The following PAK5 variants were observed in gnomAD, a reference collection of about 807,000 sequenced individuals.
PAK5 encodes serine/threonine-protein kinase PAK 5.
PAK5 carries 16 observed loss-of-function variants against 65.9 expected under a neutral mutation model. The observed-to-expected ratio is 0.24, with a 90% CI of 0.16 to 0.37. The LOEUF (loss-of-function observed/expected upper bound fraction) is 0.37. PAK5 is among the 10% of genes least tolerant of loss of function. The probability of loss-of-function intolerance (pLI) is 1.00; values close to 1 mark genes in which losing one functional copy is unlikely to be tolerated. For synonymous variants in PAK5, 371 were observed against 354.9 expected, an observed-to-expected ratio of 1.05 and a Z score of -0.51; for missense variants, 785 against 903.9, an observed-to-expected ratio of 0.87 and a Z score of 1.69.
chr20:9,645,741 T>G (rs1365307896), intron 2 of PAK5, among the ~76,000 whole-genome samples: 1 of 152,126 alleles, frequency 6.6e-6, no homozygotes, highest in Non-Finnish European at 1.5e-5. Flanking sequence ...CCCTCCACCA[T>G]GCCCAAGCTA....
chr20:9,596,702 T>C (rs1463559201), intron 3 of PAK5, among the ~76,000 whole-genome samples: 1 of 149,648 alleles, frequency 6.7e-6, no homozygotes, highest in African/African-American at 2.5e-5. Context: ...TTAAAAATCC[T>C]TTAGCCCAGA....
intron 1 of PAK5, among the ~76,000 whole-genome samples, chr20:9,742,440 C>A (rs2048460415): frequency 6.6e-6 from 1 of 152,144 alleles, no homozygotes; most frequent in Admixed American, 6.5e-5. Flanking sequence ...TTGTTTTAAT[C>A]TTGTGCAATA....
chr20:9,554,392 C>T (rs2045476049), intron 7 of PAK5, among the ~76,000 whole-genome samples: 1 of 152,156 alleles, frequency 6.6e-6, no homozygotes, highest in Non-Finnish European at 1.5e-5. Context: ...ATGGGGAGGC[C>T]ACCTATTTTG....
At position 9,538,837 on chromosome 20, in the gene PAK5, C is replaced by T. The variant is rs780001551; in HGVS notation, c.*625G>A. The T allele has an allele frequency of 1.2e-4, 28 of 232,882 alleles. No homozygotes were observed. Among genetic ancestry groups the T allele is most frequent in the Non-Finnish European group, 2.1e-4 (25 of 117,726 alleles). 14.4% of individuals were successfully genotyped at this position (232,882 alleles called of 1,614,324 possible). A position where few individuals can be genotyped will look rare whatever the true frequency, so the allele number is the denominator to read the frequency against. ...AAGAAAGAGATTTTACTAAAGCTGACGGTGATTGAGAGTCATTCAGTATTC... is the reference window on the plus strand; with the variant it reads ...AAGAAAGAGATTTTACTAAAGCTGATGGTGATTGAGAGTCATTCAGTATTC... On this transcript the variant is annotated 3_prime_UTR_variant, in exon 10 of 10. Coordinates refer to ENST00000353224, the MANE Select transcript of PAK5 (RefSeq NM_177990.4).
At position 9,692,658 on chromosome 20, in the gene PAK5, C is replaced by T. The variant is rs181739780; in HGVS notation, c.-12+18628G>A. On this transcript the variant is annotated intron_variant, in intron 2 of 9. Coordinates refer to ENST00000353224, the MANE Select transcript of PAK5 (RefSeq NM_177990.4). ...CCTAGTTCTTAAGTATTCATGATGC[C>T]TTTTCAAATAGTTGTAAAATATACC... Among the ~76,000 whole-genome samples, 370 of 152,092 alleles carry T rather than the reference C, an allele frequency of 2.4e-3. 1 individual carries two copies. Among genetic ancestry groups the T allele is most frequent in the African/African-American group, 8.3e-3 (345 of 41,500 alleles).
At chr20:9,763,631 T>C (rs1317476094) in intron 1 of PAK5, among the ~76,000 whole-genome samples, 2 of 152,094 alleles carry the variant, frequency 1.3e-5, no homozygotes, top group Non-Finnish European at 2.9e-5. Context: ...AAGACTGATG[T>C]TTTAGCAAAT....
chr20:9,552,003 G>A (rs150301106), intron 7 of PAK5, among the ~76,000 whole-genome samples: 1 of 152,180 alleles, frequency 6.6e-6, no homozygotes, highest in Non-Finnish European at 1.5e-5. Flanking sequence ...GAAGATCTGG[G>A]CAGGGCACCA....
At chr20:9,566,442 G>A (rs895049315) in intron 4 of PAK5, 58 bp from the exon 5 acceptor site, 13 of 1,501,836 alleles carry the variant, frequency 8.7e-6, no homozygotes, top group Middle Eastern at 1.7e-4. Flanking sequence ...TGCCACAGCC[G>A]AGTGGTGAGT....
chr20:9,643,529 C>T (rs1050460428), intron 3 of PAK5, among the ~76,000 whole-genome samples: 1 of 152,066 alleles, frequency 6.6e-6, no homozygotes, highest in African/African-American at 2.4e-5. Context: ...TGAAATAGCT[C>T]TCTTTTAGGC....
At chr20:9,786,070 C>T (rs746618750) in intron 1 of PAK5, among the ~76,000 whole-genome samples, 21 of 152,108 alleles carry the variant, frequency 1.4e-4, no homozygotes, top group South Asian at 4.1e-4. Context: ...GGTTGAAAGA[C>T]GGCTGACCTG....
chr20:9,619,073 C>A (rs144405915), intron 3 of PAK5, among the ~76,000 whole-genome samples: 182 of 151,658 alleles, frequency 1.2e-3, no homozygotes, highest in African/African-American at 4.3e-3. Context: ...CAGGTGTGTA[C>A]CACCACAACT....
chr20:9,614,834 T>C (rs1487745195), intron 3 of PAK5, among the ~76,000 whole-genome samples: 5 of 152,192 alleles, frequency 3.3e-5, no homozygotes, highest in African/African-American at 1.2e-4. Flanking sequence ...AAAGAAGTTA[T>C]TCAAGGCAAT....
intron 1 of PAK5, among the ~76,000 whole-genome samples, chr20:9,713,000 A>C (rs754493317): frequency 3.9e-5 from 6 of 152,158 alleles, no homozygotes; most frequent in African/African-American, 1.4e-4. Flanking sequence ...AGGCAAAAAA[A>C]CCAAAAGTAG....
chr20:9,571,904 C>T (rs1184782912), intron 4 of PAK5, among the ~76,000 whole-genome samples: 11 of 84,498 alleles, frequency 1.3e-4, no homozygotes, highest in Admixed American at 2.5e-4. Flanking sequence ...TTAACAGGGG[C>T]GGGCAGAGTG....
intron 1 of PAK5, among the ~76,000 whole-genome samples, chr20:9,724,925 T>A (rs1370382710): frequency 6.6e-6 from 1 of 152,180 alleles, no homozygotes; most frequent in Non-Finnish European, 1.5e-5. Flanking sequence ...ACACAAAGGA[T>A]AAATGCTTGA....
intron 1 of PAK5, among the ~76,000 whole-genome samples, chr20:9,731,307 T>C (rs1314895101): frequency 6.6e-6 from 1 of 152,210 alleles, no homozygotes; most frequent in Non-Finnish European, 1.5e-5. Context: ...AGTTTAATTT[T>C]AATAATGCAT....
chr20:9,668,586 G>A (rs6118687), intron 2 of PAK5, among the ~76,000 whole-genome samples: 27,898 of 152,128 alleles, frequency 0.18, 2,937 homozygotes, highest in East Asian at 0.4. Flanking sequence ...GGGGACTGGC[G>A]ACTTGGAAAG....
At chr20:9,573,423 G>C (rs1283954283) in intron 4 of PAK5, among the ~76,000 whole-genome samples, 2 of 152,136 alleles carry the variant, frequency 1.3e-5, no homozygotes, top group Non-Finnish European at 2.9e-5. Context: ...AGCTACGCTG[G>C]GGTGGACGGG....
chr20:9,648,196 G>C (rs1421948737), intron 2 of PAK5, among the ~76,000 whole-genome samples: 1 of 152,162 alleles, frequency 6.6e-6, no homozygotes, highest in Non-Finnish European at 1.5e-5. Flanking sequence ...TACCATGAGA[G>C]GATACAAAAC....
Sources: gnomAD v4.1 joint callset for allele counts (sites outside exome capture counted in the v4.1 genomes callset) on GRCh38, gnomAD v4.1.1 for gene constraint, MANE v1.5 for transcripts, NCBI Gene and HGNC (gene_info 2026-07-23, HGNC 2026-07-21) for gene names.